The following SEC24B variants were observed in gnomAD, a reference collection of about 807,000 sequenced individuals.
SEC24B encodes the protein SEC24 homolog B, COPII component.
Under a neutral mutation model 142.8 loss-of-function variants are expected in SEC24B, and 45 were observed. That is an observed-to-expected ratio of 0.32 (90% CI 0.25 to 0.40). The LOEUF is 0.40. SEC24B is among the 10% of genes least tolerant of loss of function. SEC24B has a pLI of 1.00. For synonymous variants in SEC24B, 574 were observed against 568.2 expected (o/e 1.01, Z -0.15); for missense variants, 1,409 against 1,526.8 (o/e 0.92, Z 1.29).
chr4:109,524,328 T>A (rs939656998), intron 14 of SEC24B, among the ~76,000 whole-genome samples: 2 of 152,178 alleles, frequency 1.3e-5, no homozygotes, highest in African/African-American at 4.8e-5. Context: ...GTATGATGAT[T>A]AAGAACTTGG....
chr4:109,448,140 A>C (rs1292282616), intron 1 of SEC24B, among the ~76,000 whole-genome samples: 1 of 152,222 alleles, frequency 6.6e-6, no homozygotes, highest in Non-Finnish European at 1.5e-5. Flanking sequence ...TAACATTCTT[A>C]ATACCATGTG....
rs70949083 is a variant in SEC24B at position 109,467,325 on chromosome 4, CAAAA to C, written c.877+3700_877+3703del. ...TGGGCGACAGAGCGAGACTCCGTCT[CAAAA>C]AAAAAAAAAAAAAAAAAAGTCCGCT... On this transcript the variant is annotated intron_variant, in intron 2 of 23. Coordinates refer to ENST00000265175, the MANE Select transcript of SEC24B (RefSeq NM_006323.5). Among the ~76,000 whole-genome samples, 13 of 59,860 alleles carry C rather than the reference CAAAA, an allele frequency of 2.2e-4. No homozygotes were observed. The East Asian group carries it at 2.4e-3, about 11-fold the overall frequency. 39.3% of individuals were successfully genotyped at this position (59,860 alleles called of 152,430 possible). A position where few individuals can be genotyped will look rare whatever the true frequency, so the allele number is the denominator to read the frequency against.
chr4:109,441,826 G>T (rs540188062), intron 1 of SEC24B, among the ~76,000 whole-genome samples: 26 of 152,312 alleles, frequency 1.7e-4, no homozygotes, highest in Non-Finnish European at 3.4e-4. Flanking sequence ...TAATCCAGTT[G>T]TTTACATAGC....
chr4:109,460,852 T>G (rs995175289), intron 1 of SEC24B, among the ~76,000 whole-genome samples: 1 of 151,592 alleles, frequency 6.6e-6, no homozygotes, highest in African/African-American at 2.4e-5. Flanking sequence ...ATCAAAGATA[T>G]ATAAAGATGA....
chr4:109,453,643 A>T (rs1049914740), intron 1 of SEC24B, among the ~76,000 whole-genome samples: 2 of 152,118 alleles, frequency 1.3e-5, no homozygotes, highest in Non-Finnish European at 2.9e-5. Flanking sequence ...CCCAGATTTC[A>T]TATTGTTTAA....
At position 109,473,126 on chromosome 4, in the gene SEC24B, A is replaced by C. The variant is rs754424791; in HGVS notation, c.1000A>C (p.Asn334His). ...ATCAACAAGAACACCTCCCACTGCAAATCACCCAGTTGAGCCTGTGACCTC... is the reference window on the plus strand; with the variant it reads ...ATCAACAAGAACACCTCCCACTGCACATCACCCAGTTGAGCCTGTGACCTC... ...SSSTRTPPTA[N>H]HPVEPVTSVT... Residue 334 changes from asparagine to histidine, a missense_variant, in exon 3 of 24, where the codon AAT becomes CAT. Transcript: ENST00000265175. 4.1e-5 allele frequency: 65 copies of C among 1,599,930 alleles called. 2 individuals are homozygous for C. The East Asian group carries it at 1.5e-3, about 36-fold the overall frequency.
intron 11 of SEC24B, among the ~76,000 whole-genome samples, chr4:109,517,454 G>A (rs1349916958): frequency 6.6e-6 from 1 of 152,118 alleles, no homozygotes; most frequent in African/African-American, 2.4e-5. Flanking sequence ...CCAGGGGTGG[G>A]GTGGGAGGTT....
In SEC24B at chr4:109,496,327, G is replaced by T. The variant is rs1430450271; in HGVS notation, c.1488+1471G>T. Among the ~76,000 whole-genome samples the T allele has an allele frequency of 2.0e-5, 3 of 152,150 alleles. No homozygotes were observed. In the East Asian group the frequency reaches 5.8e-4, roughly 30 times the overall value. Reference sequence around the variant, plus strand: ...GGGGTGTCACCATTTTGGCCAGGCTGGTCTTGAACTCCTGACCTCAAGTGA... The same window carrying T: ...GGGGTGTCACCATTTTGGCCAGGCTTGTCTTGAACTCCTGACCTCAAGTGA... On this transcript the variant is annotated intron_variant, in intron 6 of 23. Coordinates refer to ENST00000265175, the MANE Select transcript of SEC24B (RefSeq NM_006323.5).
rs111460675 is a variant in SEC24B at position 109,439,797 on chromosome 4, G to T, written c.133+5795G>T. Among the ~76,000 whole-genome samples the T allele has an allele frequency of 3.7e-3, 556 of 151,130 alleles. 5 individuals carry two copies. Among genetic ancestry groups the T allele is most frequent in the African/African-American group, 0.013 (541 of 41,268 alleles). On this transcript the variant is annotated intron_variant, in intron 1 of 23. Transcript: ENST00000265175. ...ATTACAGGCGTGAGCCACTGAGCCT[G>T]GCTCTAAGCTGATTGATAGATATCT... is the stretch of plus-strand genomic sequence containing the variant.
intron 6 of SEC24B, among the ~76,000 whole-genome samples, chr4:109,496,149 A>G (rs533782980): frequency 6.6e-5 from 10 of 151,510 alleles, no homozygotes; most frequent in Admixed American, 1.3e-4. Flanking sequence ...ATCTCACTCT[A>G]CTGCCTAGGC....
At chr4:109,454,277 G>A (rs994400179) in intron 1 of SEC24B, among the ~76,000 whole-genome samples, 2 of 152,022 alleles carry the variant, frequency 1.3e-5, no homozygotes, top group South Asian at 2.1e-4. Context: ...AGTAGCTCTC[G>A]CCTATAATCC....
intron 1 of SEC24B, among the ~76,000 whole-genome samples, chr4:109,434,812 T>G (rs1405194287): frequency 6.6e-6 from 1 of 152,182 alleles, no homozygotes. Flanking sequence ...AGGGCCTTCA[T>G]ACAGGCAGCA....
chr4:109,485,495 A>T (rs1734263334), intron 4 of SEC24B, among the ~76,000 whole-genome samples: 1 of 152,212 alleles, frequency 6.6e-6, no homozygotes, highest in South Asian at 2.1e-4. Flanking sequence ...TGTTAAACGT[A>T]CATGTTATCT....
intron 14 of SEC24B, among the ~76,000 whole-genome samples, chr4:109,524,321 T>C (rs1306327187): frequency 6.6e-6 from 1 of 152,190 alleles, no homozygotes; most frequent in African/African-American, 2.4e-5. Flanking sequence ...AAATGTTGTA[T>C]GATGATTAAG....
intron 20 of SEC24B, 77 bp downstream of exon 20, chr4:109,531,599 A>G (rs1724938362): frequency 9.0e-7 from 1 of 1,106,752 alleles, no homozygotes; most frequent in African/African-American, 1.6e-5. Flanking sequence ...AGATGATAAT[A>G]TACTATCAAC....
chr4:109,491,485 T>C (rs1041084897), intron 5 of SEC24B, 78 bp downstream of exon 5: 2 of 1,036,280 alleles, frequency 1.9e-6, no homozygotes, highest in Admixed American at 1.8e-5. Flanking sequence ...GAACATGTAT[T>C]ACACATAATA....
intron 4 of SEC24B, among the ~76,000 whole-genome samples, chr4:109,489,569 C>T (rs1734768352): frequency 8.1e-6 from 1 of 123,894 alleles, no homozygotes; most frequent in Non-Finnish European, 1.7e-5. Context: ...CCATTTTCCC[C>T]TCCCCTCAGC....
At chr4:109,455,608 C>A (rs1730586825) in intron 1 of SEC24B, among the ~76,000 whole-genome samples, 1 of 152,078 alleles carries the variant, frequency 6.6e-6, no homozygotes, top group African/African-American at 2.4e-5. Context: ...TTCTTTTTTT[C>A]ACATGTAGAT....
At position 109,539,714 on chromosome 4, in the gene SEC24B, A is replaced by T; in HGVS notation, c.*39A>T. ...TGAATAAGAAAAAGATCTATAACCTAGGTAAAGCATAATCTGTCAGAGAAG... is the reference window on the plus strand; with the variant it reads ...TGAATAAGAAAAAGATCTATAACCTTGGTAAAGCATAATCTGTCAGAGAAG... On this transcript the variant is annotated 3_prime_UTR_variant, in exon 24 of 24. Transcript: ENST00000265175. 1 of 1,337,492 alleles carries T rather than the reference A, an allele frequency of 7.5e-7. No homozygotes were observed. Among genetic ancestry groups the T allele is most frequent in the Non-Finnish European group, 1.1e-6 (1 of 936,542 alleles). The allele number at this position is 1,337,492 out of a possible 1,614,324, so 82.9% of individuals were successfully genotyped here.
Sources: allele counts gnomAD v4.1 joint callset (sites outside exome capture counted in the v4.1 genomes callset), GRCh38; gene constraint gnomAD v4.1.1; transcripts MANE v1.5; gene names NCBI Gene and HGNC (gene_info 2026-07-23, HGNC 2026-07-21).